PLCE1: variants seen among roughly 807,000 people sequenced by gnomAD.
PLCE1 encodes the protein 1-phosphatidylinositol 4,5-bisphosphate phosphodiesterase epsilon-1.
Under a neutral mutation model 242.8 loss-of-function variants are expected in PLCE1, and 119 were observed. The ratio of observed to expected loss-of-function variants is 0.49; its 90% confidence interval spans 0.42 to 0.57. The LOEUF is 0.57. Ranked by LOEUF, PLCE1 falls within the 20% of genes least tolerant of loss-of-function variation. The pLI is 0.00. For missense variants in PLCE1, 2,441 were observed against 2,788.8 expected, an observed-to-expected ratio of 0.88 and a Z score of 2.81; for synonymous variants, 945 against 1,017.4, an observed-to-expected ratio of 0.93 and a Z score of 1.35.
chr10:94,184,906 C>T lies in PLCE1; in HGVS notation c.1809+13410C>T, dbSNP rs184143388. Among the ~76,000 whole-genome samples, 131 of 151,932 alleles carry T rather than the reference C, an allele frequency of 8.6e-4. 1 individual carries two copies. Among genetic ancestry groups the T allele is most frequent in the Admixed American group, 1.6e-3 (25 of 15,252 alleles). On this transcript the variant is annotated intron_variant, in intron 4 of 32. Transcript: ENST00000371380. ...TTCTAACTTGTTCATTGCTATATCT[C>T]TGGTTTTTATGCATGGTACCATCTA...
intron 4 of PLCE1, among the ~76,000 whole-genome samples, chr10:94,211,522 C>G (rs946360276): frequency 1.3e-5 from 2 of 152,244 alleles, no homozygotes; most frequent in African/African-American, 4.8e-5. Context: ...AAACATTCTA[C>G]AGTCCATTGA....
At chr10:94,090,671 C>T (rs2045030180) in intron 2 of PLCE1, among the ~76,000 whole-genome samples, 1 of 152,092 alleles carries the variant, frequency 6.6e-6, no homozygotes, top group African/African-American at 2.4e-5. Context: ...TGTGACTCTC[C>T]AGCTTTGGTT....
Position 94,190,970 on chromosome 10 carries a change from T to A in PLCE1, c.1809+19474T>A, listed in dbSNP as rs553636706. 5.2e-4 allele frequency among the ~76,000 whole-genome samples: 79 copies of A among 152,242 alleles called. No individual in the cohort carries two copies. The South Asian group carries it at 8.5e-3, about 16-fold the overall frequency. On this transcript the variant is annotated intron_variant, in intron 4 of 32. Transcript: ENST00000371380. The stretch of plus-strand genomic sequence containing the variant: ...ACAGGCTTCAAGGATCAAGCTTTGG[T>A]AACACCCCCTGACATGGCAGATCAT...
At chr10:94,090,678 G>T (rs888282662) in intron 2 of PLCE1, among the ~76,000 whole-genome samples, 1 of 152,180 alleles carries the variant, frequency 6.6e-6, no homozygotes, top group Non-Finnish European at 1.5e-5. Context: ...CTCCAGCTTT[G>T]GTTGAGTGGG....
intron 4 of PLCE1, among the ~76,000 whole-genome samples, chr10:94,191,527 C>T (rs1424062642): frequency 6.6e-6 from 1 of 151,926 alleles, no homozygotes; most frequent in East Asian, 1.9e-4. Flanking sequence ...GTAGTCCCAG[C>T]TATTCAGGGA....
rs577373778 is a variant in PLCE1 at position 94,285,004 on chromosome 10, T to C, written c.5035+39T>C. 4.4e-6 allele frequency: 5 copies of C among 1,143,546 alleles called. No individual in the cohort carries two copies. In the South Asian group the frequency reaches 6.2e-5, roughly 14 times the overall value. 70.8% of individuals were successfully genotyped at this position (1,143,546 alleles called of 1,614,324 possible). A position where few individuals can be genotyped will look rare whatever the true frequency, so the allele number is the denominator to read the frequency against. On this transcript the variant is annotated intron_variant, in intron 22 of 32. Transcript: ENST00000371380. ...ATATCATCTATAACTTTTAAAGATATCAAAGGTTAAAAATATGCCATTTAT... is the reference window on the plus strand; with the variant it reads ...ATATCATCTATAACTTTTAAAGATACCAAAGGTTAAAAATATGCCATTTAT...
intron 4 of PLCE1, among the ~76,000 whole-genome samples, chr10:94,195,209 T>C (rs1328542124): frequency 6.6e-6 from 1 of 152,130 alleles, no homozygotes; most frequent in African/African-American, 2.4e-5. Flanking sequence ...TTCAGAAACA[T>C]AGCATGTTCT....
chr10:94,000,613 A>G, intron 1 of PLCE1, among the ~76,000 whole-genome samples: 1 of 152,222 alleles, frequency 6.6e-6, no homozygotes, highest in East Asian at 1.9e-4. Context: ...GTTGTTACTG[A>G]GTCTCCCAGT....
At chr10:94,170,013 G>A (rs1177734793) in intron 3 of PLCE1, among the ~76,000 whole-genome samples, 2 of 152,210 alleles carry the variant, frequency 1.3e-5, no homozygotes, top group Admixed American at 6.5e-5. Context: ...CAAATTCAGG[G>A]ATGATGACTT....
At chr10:94,325,844 C>CTA (rs1014774866) in intron 32 of PLCE1, among the ~76,000 whole-genome samples, 2 of 151,984 alleles carry the variant, frequency 1.3e-5, no homozygotes, top group Admixed American at 1.3e-4. Context: ...TATTACTGTT[C>CTA]TAATTTAGGT....
chr10:94,327,957 C>G lies in PLCE1; in HGVS notation c.*25-11C>G. The G allele has an allele frequency of 1.9e-6, 1 of 532,198 alleles. No individual in the cohort carries two copies. The highest frequency in any genetic ancestry group is 3.2e-4 in the Middle Eastern group (1 of 3,136). 33.0% of individuals were successfully genotyped at this position (532,198 alleles called of 1,614,324 possible). On this transcript the variant is annotated splice_polypyrimidine_tract_variant and intron_variant, in intron 32 of 32. Transcript: ENST00000371380. ...CAGTATACTAATAAGCCTCTGTATA[C>G]AACATTACAGGTGAAGATCTTTAAG...
At chr10:94,161,874 G>T (rs952901894) in intron 3 of PLCE1, among the ~76,000 whole-genome samples, 94 of 152,252 alleles carry the variant, frequency 6.2e-4, no homozygotes, top group African/African-American at 2.2e-3. Context: ...AAGGGCTGTT[G>T]AATTTTGTCA....
At chr10:94,126,493 A>C (rs1047483312) in intron 2 of PLCE1, among the ~76,000 whole-genome samples, 4 of 152,200 alleles carry the variant, frequency 2.6e-5, no homozygotes, top group African/African-American at 9.7e-5. Flanking sequence ...CGTCTTGCTC[A>C]CTGGTAGAAC....
chr10:94,262,896 A>G (rs1320844249), intron 14 of PLCE1, among the ~76,000 whole-genome samples, 164 bp downstream of exon 14: 22 of 151,552 alleles, frequency 1.5e-4, no homozygotes, highest in Admixed American at 1.4e-3. Context: ...TTTTTGAGAC[A>G]GAGTCTTACT....
intron 1 of PLCE1, among the ~76,000 whole-genome samples, chr10:94,004,377 G>A (rs2060995702): frequency 6.6e-6 from 1 of 152,142 alleles, no homozygotes; most frequent in South Asian, 2.1e-4. Flanking sequence ...CTAATTCAAT[G>A]TCAAGTTTTA....
intron 4 of PLCE1, among the ~76,000 whole-genome samples, chr10:94,214,163 A>T (rs964795872): frequency 6.6e-6 from 1 of 152,228 alleles, no homozygotes; most frequent in African/African-American, 2.4e-5. Flanking sequence ...GTTTTGAGTT[A>T]TGCATAAAAC....
At chr10:94,296,203 A>T (rs1464446131) in intron 23 of PLCE1, among the ~76,000 whole-genome samples, 1 of 150,224 alleles carries the variant, frequency 6.7e-6, no homozygotes, top group East Asian at 2.0e-4. Context: ...TCTACTAAAA[A>T]TACAAAAAAA....
intron 19 of PLCE1, chr10:94,279,562 T>C: frequency 1.7e-6 from 1 of 580,260 alleles, no homozygotes; most frequent in East Asian, 3.0e-5. Context: ...TGGAGATTGT[T>C]TATAAAAGCT....
chr10:93,996,037 T>G (rs1477207211), intron 1 of PLCE1, among the ~76,000 whole-genome samples: 1 of 152,188 alleles, frequency 6.6e-6, no homozygotes, highest in African/African-American at 2.4e-5. Flanking sequence ...GTGGAAGAGT[T>G]TTCTAAAGTA....
Sources: gnomAD v4.1 joint callset for allele counts (sites outside exome capture counted in the v4.1 genomes callset) on GRCh38, gnomAD v4.1.1 for gene constraint, MANE v1.5 for transcripts, NCBI Gene and HGNC (gene_info 2026-07-23, HGNC 2026-07-21) for gene names.